SLC5A8: variants seen among roughly 807,000 people sequenced by gnomAD.
SLC5A8 encodes the protein sodium-coupled monocarboxylate transporter 1.
SLC5A8 carries 55 observed loss-of-function variants against 71.9 expected under a neutral mutation model. The observed-to-expected ratio is 0.77, with a 90% CI of 0.62 to 0.96. The LOEUF (loss-of-function observed/expected upper bound fraction) is 0.96. Among genes scored for constraint, SLC5A8 ranks in the 40% least tolerant of loss-of-function variants. The pLI is 0.00. For synonymous variants in SLC5A8, 307 were observed against 276.1 expected (o/e 1.11, Z -1.11); for missense variants, 701 against 745.3 (o/e 0.94, Z 0.69).
rs927039603 is a variant in SLC5A8, at chr12:101,209,892, G to T, written c.-44C>A. On this transcript the variant is annotated 5_prime_UTR_variant, in exon 1 of 15. Coordinates refer to ENST00000536262, the MANE Select transcript of SLC5A8 (RefSeq NM_145913.5). ...GCCCTGCGCGCAAACTGGTGGCCCC[G>T]CGGCGCGCAGCCGGAGCCCGGCGCG... The T allele has an allele frequency of 3.9e-5, 57 of 1,459,974 alleles. No homozygotes were observed. The highest frequency in any genetic ancestry group is 4.8e-5 in the Non-Finnish European group (53 of 1,101,778). 90.4% of individuals were successfully genotyped at this position (1,459,974 alleles called of 1,614,324 possible). A position where few individuals can be genotyped will look rare whatever the true frequency, so the allele number is the denominator to read the frequency against.
intron 12 of SLC5A8, among the ~76,000 whole-genome samples, chr12:101,162,854 A>G (rs866711314): frequency 2.6e-5 from 4 of 152,242 alleles, no homozygotes; most frequent in Admixed American, 2.6e-4. Flanking sequence ...TCCTGCTAAC[A>G]TATAGTTTAT....
chr12:101,208,463 C>A (rs534176468), intron 1 of SLC5A8, among the ~76,000 whole-genome samples: 8 of 152,280 alleles, frequency 5.3e-5, no homozygotes, highest in Admixed American at 5.2e-4. Context: ...GCTCAAGGAC[C>A]AGTGCTGGGT....
chr12:101,174,084 C>A (rs2051857288), intron 10 of SLC5A8, among the ~76,000 whole-genome samples: 1 of 152,204 alleles, frequency 6.6e-6, no homozygotes, highest in Non-Finnish European at 1.5e-5. Context: ...CTACCAGACA[C>A]ACTACGGAGT....
chr12:101,193,919 G>T (rs1869045392), intron 4 of SLC5A8, 140 bp from the exon 5 acceptor site: 1 of 820,560 alleles, frequency 1.2e-6, no homozygotes, highest in Non-Finnish European at 1.8e-6. Flanking sequence ...CAGTCAGGTT[G>T]GGAGAATCTT....
rs2051723788 is a variant in SLC5A8, at chr12:101,161,589, A to G, written c.1630+385T>C. ...TGTAAAGATCACAGCATATTGGGTT[A>G]TTATAAAAATATGTGTAAAATCCCT... is the stretch of plus-strand genomic sequence containing the variant. On this transcript the variant is annotated intron_variant, in intron 13 of 14. Transcript: ENST00000536262. Among the ~76,000 whole-genome samples, 3 of 152,238 alleles carry G rather than the reference A, an allele frequency of 2.0e-5. No individual in the cohort carries two copies. The South Asian group carries it at 6.2e-4, about 31-fold the overall frequency.
chr12:101,196,932 C>A (rs1413641551), intron 3 of SLC5A8, among the ~76,000 whole-genome samples: 1 of 152,130 alleles, frequency 6.6e-6, no homozygotes, highest in Non-Finnish European at 1.5e-5. Context: ...TTGAAAGCTC[C>A]CCCACCCCGC....
chr12:101,166,940 C>A (rs2051778597), intron 11 of SLC5A8, among the ~76,000 whole-genome samples: 1 of 151,660 alleles, frequency 6.6e-6, no homozygotes. Flanking sequence ...AGAAAGGCCA[C>A]TTTTAAGGAA....
chr12:101,195,909 A>T (rs1167461680), intron 3 of SLC5A8, among the ~76,000 whole-genome samples: 1 of 151,870 alleles, frequency 6.6e-6, no homozygotes, highest in Non-Finnish European at 1.5e-5. Context: ...GTTGGACAGG[A>T]TGGTCTCAAT....
At chr12:101,192,543 C>T (rs758758467) in intron 5 of SLC5A8, among the ~76,000 whole-genome samples, 2 of 152,108 alleles carry the variant, frequency 1.3e-5, no homozygotes, top group Non-Finnish European at 2.9e-5. Context: ...AAACGGAAGG[C>T]GTTTTCAATA....
rs555365592 is a variant in SLC5A8 at position 101,204,131 on chromosome 12, T to C, written c.417+369A>G. On this transcript the variant is annotated intron_variant, in intron 2 of 14. Transcript: ENST00000536262. ...ACAGAAATACTGTGAACATGCTACT[T>C]GTTTTCCTTTTGTTAGAATTCCCAC... Among the ~76,000 whole-genome samples, 10 of 152,378 alleles carry C rather than the reference T, an allele frequency of 6.6e-5. No individual in the cohort carries two copies. The South Asian group carries it at 1.9e-3, about 28-fold the overall frequency.
chr12:101,198,750 G>A (rs1869305694), intron 3 of SLC5A8, among the ~76,000 whole-genome samples: 2 of 151,882 alleles, frequency 1.3e-5, no homozygotes, highest in African/African-American at 4.8e-5. Context: ...TTCAGAAAAT[G>A]GAGGAGGGAA....
At chr12:101,167,626 T>C (rs1209806080) in intron 11 of SLC5A8, among the ~76,000 whole-genome samples, 3 of 152,206 alleles carry the variant, frequency 2.0e-5, no homozygotes, top group Non-Finnish European at 4.4e-5. Flanking sequence ...CCTTTGGGGC[T>C]AAATCATGTT....
chr12:101,158,550 GTCTCTCTCTCTCTCTCTCTCTC>G lies in SLC5A8; in HGVS notation c.1631-244_1631-223del, dbSNP rs372186123. Among the ~76,000 whole-genome samples, 165 of 48,488 alleles carry G rather than the reference GTCTCTCTCTCTCTCTCTCTCTC, an allele frequency of 3.4e-3. 1 individual carries two copies. The highest frequency in any genetic ancestry group is 8.7e-3 in the African/African-American group (150 of 17,336). 31.8% of individuals were successfully genotyped at this position (48,488 alleles called of 152,430 possible). ...AAGCCTCTCACTATAATAAATATGA[GTCTCTCTCTCTCTCTCTCTCTC>G]TCTCTCTCTCTCTCTCTCTCTCTCT... is the stretch of plus-strand genomic sequence containing the variant. On this transcript the variant is annotated intron_variant, in intron 13 of 14. Coordinates refer to ENST00000536262, the MANE Select transcript of SLC5A8 (RefSeq NM_145913.5).
Position 101,202,212 on chromosome 12 carries a change from G to C in SLC5A8, c.421C>G (p.Leu141Val). ...GCATAAATAACAATTCCAGTATACA[G>C]AATCTAGGGGGGAGAAAGAAAGCCA... ...GTVLFIVQTILYTGIVIYAPA... is the reference protein window; with the variant it reads ...GTVLFIVQTIVYTGIVIYAPA... Residue 141 changes from leucine (L) to valine (V), a missense_variant, in exon 3 of 15, where the codon CTG (leucine) becomes GTG (valine). Leu to Val is a conservative substitution (Grantham distance 32). Transcript: ENST00000536262. The C allele has an allele frequency of 6.3e-7, 1 of 1,577,584 alleles. No homozygotes were observed. Among genetic ancestry groups the C allele is most frequent in the East Asian group, 2.4e-5 (1 of 41,970 alleles).
chr12:101,166,456 T>A lies in SLC5A8; in HGVS notation c.1526+38A>T. ...TGGGGTTCTCTACTTGTTGCGTAAA[T>A]TTTTTAAAGTATAATGTAATAAAAC... On this transcript the variant is annotated intron_variant, in intron 12 of 14. Coordinates refer to ENST00000536262, the MANE Select transcript of SLC5A8 (RefSeq NM_145913.5). 3 of 1,559,048 alleles carry A rather than the reference T, an allele frequency of 1.9e-6. No homozygotes were observed. The Admixed American group carries it at 5.6e-5, about 29-fold the overall frequency.
intron 13 of SLC5A8, among the ~76,000 whole-genome samples, chr12:101,159,971 C>G (rs1274584586): frequency 6.6e-6 from 1 of 152,168 alleles, no homozygotes; most frequent in African/African-American, 2.4e-5. Flanking sequence ...CACCTGAGGT[C>G]AGGAGTTCGA....
At chr12:101,209,434 C>A (rs757846466) in intron 1 of SLC5A8, 64 bp downstream of exon 1, 2 of 1,334,940 alleles carry the variant, frequency 1.5e-6, no homozygotes, top group Non-Finnish European at 2.0e-6. Context: ...GAAAACGCCT[C>A]CAGAGGTCTG....
chr12:101,204,866 C>A (rs1355216528), intron 1 of SLC5A8, among the ~76,000 whole-genome samples: 2 of 152,186 alleles, frequency 1.3e-5, no homozygotes, highest in Non-Finnish European at 2.9e-5. Flanking sequence ...GCCCTCTTCT[C>A]CCCCGCCAAA....
chr12:101,207,568 T>C (rs540615371), intron 1 of SLC5A8, among the ~76,000 whole-genome samples: 1 of 152,296 alleles, frequency 6.6e-6, no homozygotes, highest in East Asian at 1.9e-4. Context: ...GTTAATGTTG[T>C]AGCCCCGAAG....
Sources: allele counts gnomAD v4.1 joint callset (sites outside exome capture counted in the v4.1 genomes callset), GRCh38; gene constraint gnomAD v4.1.1; transcripts MANE v1.5; gene names NCBI Gene and HGNC (gene_info 2026-07-23, HGNC 2026-07-21).